The following ANKIB1 variants were observed in gnomAD, a reference collection of about 807,000 sequenced individuals.
ANKIB1 encodes ankyrin repeat and IBR domain containing 1, also known as ankyrin repeat and IBR domain-containing protein 1.
ANKIB1 carries 43 observed loss-of-function variants against 122.1 expected under a neutral mutation model. The ratio of observed to expected loss-of-function variants is 0.35; its 90% CI spans 0.28 to 0.45. ANKIB1 has a LOEUF of 0.45. ANKIB1 is among the 20% of genes least tolerant of loss of function. The pLI is 1.00. For missense variants in ANKIB1, 992 were observed against 1,329.5 expected, an observed-to-expected ratio of 0.75 and a Z score of 3.95; for synonymous variants, 390 against 442.0, an observed-to-expected ratio of 0.88 and a Z score of 1.48.
intron 5 of ANKIB1, among the ~76,000 whole-genome samples, chr7:92,331,926 A>G (rs991489471): frequency 1.5e-4 from 23 of 152,186 alleles, no homozygotes; most frequent in African/African-American, 5.3e-4. Context: ...CTAACAACCT[A>G]TAATTTCACC....
At chr7:92,299,094 C>G (rs1420212488) in intron 2 of ANKIB1, among the ~76,000 whole-genome samples, 1 of 152,142 alleles carries the variant, frequency 6.6e-6, no homozygotes, top group African/African-American at 2.4e-5. Context: ...TTGAGTCTGT[C>G]ACTTCAGGGA....
Position 92,307,560 on chromosome 7 carries a change from G to C in ANKIB1, c.390G>C (p.Gln130His). 6.2e-7 allele frequency: 1 copy of C among 1,613,696 alleles called. No individual in the cohort carries two copies. The highest frequency in any genetic ancestry group is 8.5e-7 in the Non-Finnish European group (1 of 1,179,864). Residue 130 changes from glutamine to histidine, a missense_variant, in exon 3 of 20, where the codon CAG (glutamine) becomes CAC (histidine). Physicochemically the swap from Gln to His is conservative, Grantham distance 24 (BLOSUM62 0). This residue lies in a region of ANKIB1 where 521 missense variants were observed against 777.7 expected (regional missense o/e 0.67). Coordinates refer to ENST00000265742, the MANE Select transcript of ANKIB1 (RefSeq NM_019004.2). ...AATGGAAAGGAGCAAAACTTGACCA[G>C]GGTGAATATGAGAGAGCAGCTATTG... Reference protein sequence around the residue: ...ILKWKGAKLDQGEYERAAIDA... With the variant: ...ILKWKGAKLDHGEYERAAIDA...
chr7:92,278,599 A>G lies in ANKIB1; in HGVS notation c.-90-16290A>G, dbSNP rs567879577. On this transcript the variant is annotated intron_variant, in intron 1 of 19. Transcript: ENST00000265742. ...TGTTCTCACCCAGACTTTTTATCCC[A>G]AAAGGTTGAGTGCAAGAGGGACAAA... Among the ~76,000 whole-genome samples, 3 of 152,336 alleles carry G rather than the reference A, an allele frequency of 2.0e-5. No individual in the cohort carries two copies. In the East Asian group the frequency reaches 5.8e-4, roughly 29 times the overall value.
At chr7:92,375,735 T>G (rs1804365470) in intron 11 of ANKIB1, among the ~76,000 whole-genome samples, 1 of 152,248 alleles carries the variant, frequency 6.6e-6, no homozygotes, top group Non-Finnish European at 1.5e-5. Flanking sequence ...CAAATGTTCT[T>G]AATTGCATCT....
At chr7:92,357,444 A>C (rs1422075767) in intron 9 of ANKIB1, among the ~76,000 whole-genome samples, 1 of 152,130 alleles carries the variant, frequency 6.6e-6, no homozygotes, top group African/African-American at 2.4e-5. Flanking sequence ...AATTTTATTC[A>C]GGAATTTAGG....
chr7:92,324,718 A>G (rs1350475345), intron 4 of ANKIB1, among the ~76,000 whole-genome samples: 1 of 152,178 alleles, frequency 6.6e-6, no homozygotes, highest in African/African-American at 2.4e-5. Flanking sequence ...TGAAATGTAT[A>G]TTTCAGCTGA....
chr7:92,247,131 T>A (rs1263609388), intron 1 of ANKIB1, among the ~76,000 whole-genome samples: 1 of 152,220 alleles, frequency 6.6e-6, no homozygotes, highest in East Asian at 1.9e-4. Context: ...ATTTTGAGAA[T>A]TAGTCTCCCA....
At chr7:92,253,903 C>G (rs931805023) in intron 1 of ANKIB1, among the ~76,000 whole-genome samples, 5 of 152,162 alleles carry the variant, frequency 3.3e-5, no homozygotes, top group African/African-American at 1.2e-4. Flanking sequence ...ATTTCTCCAT[C>G]TCTTTCTTGA....
intron 4 of ANKIB1, among the ~76,000 whole-genome samples, chr7:92,320,249 T>A (rs912795737): frequency 3.3e-5 from 5 of 152,164 alleles, no homozygotes; most frequent in African/African-American, 9.6e-5. Flanking sequence ...CCATATCATC[T>A]TCTTATGAGA....
At chr7:92,255,970 A>G (rs1054890202) in intron 1 of ANKIB1, among the ~76,000 whole-genome samples, 1 of 150,796 alleles carries the variant, frequency 6.6e-6, no homozygotes, top group East Asian at 1.9e-4. Flanking sequence ...TTTACCAGAT[A>G]ACTCAAGAAG....
intron 1 of ANKIB1, among the ~76,000 whole-genome samples, chr7:92,248,001 C>A (rs976954873): frequency 6.6e-6 from 1 of 152,192 alleles, no homozygotes; most frequent in African/African-American, 2.4e-5. Context: ...AACTCTGTCT[C>A]TGGAAATGTA....
At chr7:92,397,894 T>C (rs754386945) in intron 19 of ANKIB1, 35 bp downstream of exon 19, 7 of 1,584,144 alleles carry the variant, frequency 4.4e-6, no homozygotes, top group Non-Finnish European at 6.0e-6. Context: ...GCCTGTGCTT[T>C]TACTCTTTCT....
chr7:92,390,038 C>T lies in ANKIB1; in HGVS notation c.1974C>T (p.Arg658=), dbSNP rs747026147. 2 of 1,607,532 alleles carry T rather than the reference C, an allele frequency of 1.2e-6. No individual in the cohort carries two copies. The highest frequency in any genetic ancestry group is 2.2e-5 in the South Asian group (2 of 89,036). The change falls in exon 15 of 20, where the codon CGC becomes CGT. Residue 658 remains arginine, a synonymous_variant. Coordinates refer to ENST00000265742, the MANE Select transcript of ANKIB1 (RefSeq NM_019004.2). ...TTCATGTGCTCTTAAAAACTCGGCG[C>T]ATTCTCAAGTGTTCTTATCCATATG... ...DAVHVLLKTR[R]ILKCSYPYGF... is the part of the protein sequence containing the mutation.
intron 1 of ANKIB1, among the ~76,000 whole-genome samples, chr7:92,282,045 G>A (rs562577112): frequency 7.9e-5 from 12 of 152,092 alleles, no homozygotes; most frequent in Non-Finnish European, 1.5e-4. Flanking sequence ...TCTAAACTTC[G>A]ATACATAGTG....
At chr7:92,308,560 A>G (rs1041681395) in intron 3 of ANKIB1, among the ~76,000 whole-genome samples, 9 of 152,140 alleles carry the variant, frequency 5.9e-5, no homozygotes, top group Non-Finnish European at 1.0e-4. Context: ...AATTTGCGTT[A>G]AAGTGCTCCT....
At chr7:92,343,846 A>G (rs1165939188) in intron 6 of ANKIB1, among the ~76,000 whole-genome samples, 2 of 152,188 alleles carry the variant, frequency 1.3e-5, no homozygotes, top group African/African-American at 2.4e-5. Context: ...TTTGTTATCT[A>G]GATGCATTTC....
At chr7:92,265,374 G>A (rs905891649) in intron 1 of ANKIB1, among the ~76,000 whole-genome samples, 1 of 152,092 alleles carries the variant, frequency 6.6e-6, no homozygotes, top group Non-Finnish European at 1.5e-5. Flanking sequence ...TGAAGGTAGT[G>A]CGTATGCAGA....
At chr7:92,339,841 AT>A (rs1360417517) in intron 5 of ANKIB1, among the ~76,000 whole-genome samples, 1 of 134,246 alleles carries the variant, frequency 7.4e-6, no homozygotes, top group Non-Finnish European at 1.6e-5. Flanking sequence ...GTTGTCTATC[AT>A]TTTTTCTATC....
chr7:92,294,832 T>G (rs1232175042), intron 1 of ANKIB1, 57 bp from the exon 2 acceptor site: 2 of 592,946 alleles, frequency 3.4e-6, no homozygotes, highest in Non-Finnish European at 5.5e-6. Flanking sequence ...ATTGTGTTAT[T>G]GTTTCTTTTG....
Sources: gnomAD v4.1 joint callset for allele counts (sites outside exome capture counted in the v4.1 genomes callset) on GRCh38, gnomAD v4.1.1 for gene constraint, gnomAD v4.1.1 regional missense constraint, MANE v1.5 for transcripts, NCBI Gene and HGNC (gene_info 2026-07-23, HGNC 2026-07-21) for gene names.